Variants in GRIK2 observed in about 807,000 individuals in gnomAD.
The protein encoded by GRIK2 is glutamate receptor ionotropic, kainate 2.
A neutral mutation model predicts 100.3 loss-of-function variants in GRIK2; 32 were observed. The observed-to-expected ratio is 0.32, with a 90% CI of 0.24 to 0.43. The LOEUF (loss-of-function observed/expected upper bound fraction) is 0.43. Ranked by LOEUF, GRIK2 falls within the 20% of genes least tolerant of loss-of-function variation. GRIK2 has a pLI of 1.00. For missense variants in GRIK2, 843 were observed against 1,114.9 expected, an observed-to-expected ratio of 0.76 and a Z score of 3.47; for synonymous variants, 417 against 389.4, an observed-to-expected ratio of 1.07 and a Z score of -0.83.
intron 2 of GRIK2, among the ~76,000 whole-genome samples, chr6:101,543,602 A>G (rs931806690): frequency 2.6e-5 from 4 of 152,148 alleles, no homozygotes; most frequent in African/African-American, 9.7e-5. Flanking sequence ...ATGGTACTGT[A>G]TAAAGGCCTG....
chr6:101,574,493 C>T (rs1231613464), intron 2 of GRIK2, among the ~76,000 whole-genome samples: 1 of 150,608 alleles, frequency 6.6e-6, no homozygotes, highest in African/African-American at 2.4e-5. Context: ...GAAAAACAAA[C>T]ATGTAAATGA....
intron 12 of GRIK2, among the ~76,000 whole-genome samples, chr6:101,901,356 G>T (rs1444439756): frequency 6.6e-6 from 1 of 151,894 alleles, no homozygotes; most frequent in East Asian, 1.9e-4. Context: ...TTAAAAAATA[G>T]AATCCAGTTT....
chr6:101,700,846 T>C (rs950867006), intron 7 of GRIK2, among the ~76,000 whole-genome samples: 1 of 152,058 alleles, frequency 6.6e-6, no homozygotes, highest in Non-Finnish European at 1.5e-5. Context: ...TAAGGACTGG[T>C]ATAGAGCCCA....
chr6:101,745,398 A>G (rs1776363126), intron 7 of GRIK2, among the ~76,000 whole-genome samples: 1 of 152,168 alleles, frequency 6.6e-6, no homozygotes, highest in Admixed American at 6.5e-5. Context: ...GCTGAGCATG[A>G]TGGGCCTGGC....
chr6:101,809,822 C>G (rs1310550833), intron 9 of GRIK2, among the ~76,000 whole-genome samples: 3 of 152,022 alleles, frequency 2.0e-5, no homozygotes, highest in Admixed American at 2.0e-4. Context: ...ATTATAAACC[C>G]TGTCTCAGAA....
intron 2 of GRIK2, among the ~76,000 whole-genome samples, chr6:101,605,427 C>T (rs1314724020): frequency 4.6e-5 from 7 of 151,354 alleles, no homozygotes; most frequent in East Asian, 1.9e-4. Context: ...TTTTTTTCTT[C>T]GTCTTCTTTC....
At chr6:102,043,910 TTC>T (rs1407045441) in intron 15 of GRIK2, among the ~76,000 whole-genome samples, 1 of 149,072 alleles carries the variant, frequency 6.7e-6, no homozygotes, top group Admixed American at 6.8e-5. Context: ...TTCTTTCACA[TTC>T]TGTCTTGCCA....
intron 7 of GRIK2, among the ~76,000 whole-genome samples, chr6:101,693,570 G>T (rs1023394289): frequency 2.0e-5 from 3 of 151,980 alleles, no homozygotes; most frequent in Non-Finnish European, 4.4e-5. Flanking sequence ...ACTCAGATGG[G>T]AATAGCTCAA....
At chr6:102,015,491 C>T (rs555540543) in intron 14 of GRIK2, among the ~76,000 whole-genome samples, 2 of 152,158 alleles carry the variant, frequency 1.3e-5, no homozygotes, top group African/African-American at 4.8e-5. Flanking sequence ...CAGAGCCCTG[C>T]CCTACTGCTA....
rs879294648 is a variant in GRIK2 at position 101,901,653 on chromosome 6, C to G, written c.1748+11790C>G. ...TCAGCTTATTGATGAAGTTAATTTC[C>G]TATAACAAATATAAATTTTAAGTGG... On this transcript the variant is annotated intron_variant, in intron 12 of 16. Transcript: ENST00000369134. Among the ~76,000 whole-genome samples, 154 of 151,676 alleles carry G rather than the reference C, an allele frequency of 1.0e-3. 1 individual carries two copies. The highest frequency in any genetic ancestry group is 1.6e-3 in the Non-Finnish European group (107 of 67,806).
At chr6:101,731,860 T>C (rs943594051) in intron 7 of GRIK2, among the ~76,000 whole-genome samples, 1 of 151,964 alleles carries the variant, frequency 6.6e-6, no homozygotes, top group Non-Finnish European at 1.5e-5. Context: ...CTGTATCCCA[T>C]AGAACCATAA....
chr6:101,705,892 A>C (rs1343452522), intron 7 of GRIK2, among the ~76,000 whole-genome samples: 1 of 151,842 alleles, frequency 6.6e-6, no homozygotes, highest in Non-Finnish European at 1.5e-5. Context: ...GTGCAACAAT[A>C]AAAAAACAAA....
rs1479416082 is a variant in GRIK2 at position 101,789,961 on chromosome 6, T to C, written c.952-9687T>C. On this transcript the variant is annotated intron_variant, in intron 7 of 16. Transcript: ENST00000369134. ...GGATTCCTAAGTATTTTATTCTCTT[T>C]GAAGCAATTGTGAATGGGAGTTCAC... Among the ~76,000 whole-genome samples the C allele has an allele frequency of 9.2e-5, 14 of 152,290 alleles. No homozygotes were observed. The East Asian group carries it at 2.7e-3, about 29-fold the overall frequency.
intron 11 of GRIK2, among the ~76,000 whole-genome samples, chr6:101,874,296 G>A (rs1476400194): frequency 1.3e-5 from 2 of 152,062 alleles, no homozygotes; most frequent in South Asian, 4.1e-4. Context: ...AAGGGATCCA[G>A]TTTCAGCTTT....
At chr6:101,962,450 G>A (rs1162476237) in intron 14 of GRIK2, among the ~76,000 whole-genome samples, 3 of 152,172 alleles carry the variant, frequency 2.0e-5, no homozygotes, top group Non-Finnish European at 4.4e-5. Flanking sequence ...TCATGGCCTG[G>A]AATGTAGACT....
At chr6:101,873,405 T>C (rs1454526148) in intron 11 of GRIK2, among the ~76,000 whole-genome samples, 3 of 151,994 alleles carry the variant, frequency 2.0e-5, no homozygotes, top group Non-Finnish European at 4.4e-5. Flanking sequence ...TTCATCCATG[T>C]CCCTACAAAG....
At chr6:101,713,038 A>G (rs1414907736) in intron 7 of GRIK2, among the ~76,000 whole-genome samples, 1 of 151,816 alleles carries the variant, frequency 6.6e-6, no homozygotes, top group Non-Finnish European at 1.5e-5. Flanking sequence ...TTTTCATTTT[A>G]CAATGTAGAC....
At chr6:101,795,804 C>T (rs1780264480) in intron 7 of GRIK2, among the ~76,000 whole-genome samples, 1 of 152,092 alleles carries the variant, frequency 6.6e-6, no homozygotes, top group Non-Finnish European at 1.5e-5. Context: ...GTGGGCCTGC[C>T]CTTAGTGTCC....
At chr6:101,530,430 A>G (rs1356395235) in intron 2 of GRIK2, among the ~76,000 whole-genome samples, 2 of 152,072 alleles carry the variant, frequency 1.3e-5, no homozygotes, top group African/African-American at 4.8e-5. Flanking sequence ...TACATTAGTG[A>G]AAAACATAAC....
Sources: gnomAD v4.1 joint callset for allele counts (sites outside exome capture counted in the v4.1 genomes callset) on GRCh38, gnomAD v4.1.1 for gene constraint, MANE v1.5 for transcripts, NCBI Gene and HGNC (gene_info 2026-07-23, HGNC 2026-07-21) for gene names.